SLITRK3: variants seen among roughly 807,000 people sequenced by gnomAD.
The protein encoded by SLITRK3 is SLIT and NTRK-like protein 3.
Under a neutral mutation model 63.6 loss-of-function variants are expected in SLITRK3, and 16 were observed. The observed-to-expected ratio is 0.25, with a 90% CI of 0.17 to 0.38. The LOEUF (loss-of-function observed/expected upper bound fraction) is 0.38. Ranked by LOEUF, SLITRK3 falls within the 10% of genes least tolerant of loss-of-function variation. The pLI is 1.00. For missense variants in SLITRK3, 1,117 were observed against 1,181.4 expected (o/e 0.95, Z 0.80); for synonymous variants, 547 against 451.6 (o/e 1.21, Z -2.68).
At chr3:165,194,288 A>G (rs1718342489) in intron 1 of SLITRK3, among the ~76,000 whole-genome samples, 1 of 152,216 alleles carries the variant, frequency 6.6e-6, no homozygotes, top group Admixed American at 6.5e-5. Context: ...AAAGCAAAGC[A>G]CAGCTTACAT....
At chr3:165,191,503 A>G (rs1352374591) in intron 1 of SLITRK3, among the ~76,000 whole-genome samples, 1 of 152,202 alleles carries the variant, frequency 6.6e-6, no homozygotes, top group Non-Finnish European at 1.5e-5. Context: ...TATGTACACT[A>G]TATGTCCACA....
chr3:165,196,985 T>C (rs1358026126), upstream of SLITRK3: 1 of 152,206 alleles, frequency 6.6e-6, no homozygotes, highest in Non-Finnish European at 1.5e-5. Context: ...GCTCTCTCTC[T>C]CTCGCTTTCG....
In SLITRK3 at chr3:165,189,417, T is replaced by C; in HGVS notation, c.1414A>G (p.Thr472Ala). 1 of 1,613,434 alleles carries C rather than the reference T, an allele frequency of 6.2e-7. No individual in the cohort carries two copies. The highest frequency in any genetic ancestry group is 8.5e-7 in the Non-Finnish European group (1 of 1,180,046). The change falls in exon 2 of 2, where the codon ACA becomes GCA. Residue 472 changes from threonine (T) to alanine (A), a missense_variant. Thr to Ala is a moderately conservative substitution (Grantham distance 58, BLOSUM62 0). Around this residue, in one of 4 missense-constraint regions of SLITRK3, gnomAD observed 158 missense variants for 197.2 expected, o/e 0.80. Coordinates refer to ENST00000475390, the MANE Select transcript of SLITRK3 (RefSeq NM_001318810.2). This position sits in a 1 kb window ranked among gnomAD's most constrained non-coding sequence, Gnocchi z 4.0. ...FLNGNDIEKL[T>A]PGMFRGLQSL... ...TGTAGGCCTCGGAACATGCCTGGTGTCAGCTTCTCTATATCGTTGCCATTA... is the reference window on the plus strand; with the variant it reads ...TGTAGGCCTCGGAACATGCCTGGTGCCAGCTTCTCTATATCGTTGCCATTA...
chr3:165,192,645 A>ATT (rs1718276350), intron 1 of SLITRK3, among the ~76,000 whole-genome samples: 1 of 151,490 alleles, frequency 6.6e-6, no homozygotes, highest in South Asian at 2.1e-4. Flanking sequence ...GCTTTGCTGA[A>ATT]GCTGAAGCAA....
intron 1 of SLITRK3, among the ~76,000 whole-genome samples, chr3:165,191,722 T>C (rs544639334): frequency 1.3e-5 from 2 of 152,296 alleles, no homozygotes; most frequent in Admixed American, 6.5e-5. Context: ...AAACTTAGTT[T>C]GGAATGTGTA....
At position 165,189,068 on chromosome 3, in the gene SLITRK3, T is replaced by A; in HGVS notation, c.1763A>T (p.Asp588Val). 2 of 1,614,138 alleles carry A rather than the reference T, an allele frequency of 1.2e-6. No individual in the cohort carries two copies. Among genetic ancestry groups the A allele is most frequent in the Non-Finnish European group, 1.7e-6 (2 of 1,180,024 alleles). Residue 588 changes from aspartate to valine, a missense_variant, in exon 2 of 2, where the codon GAT becomes GTT. This residue lies in a region of SLITRK3 where 158 missense variants were observed against 197.2 expected (regional missense o/e 0.80). Transcript: ENST00000475390. This position sits in a 1 kb window ranked among gnomAD's most constrained non-coding sequence, Gnocchi z 4.0. ...ETISSVSVVG[D>V]VLCRSPENLT... ...GTTCTCAGGGCTCCTGCAAAGCACA[T>A]CACCAACCACACTGACTGAGCTGAT... is the stretch of plus-strand genomic sequence containing the variant.
At chr3:165,196,873 A>ATCTCTCTCTCTCTCTCTCTCTCTCTCTC (rs780477583), upstream of SLITRK3, 2 of 41,536 alleles carry the variant, frequency 4.8e-5, no homozygotes, top group African/African-American at 4.9e-5. Context: ...GAAGCAAGTG[A>ATCTCTCTCTCTCTCTCTCTCTCTCTCTC]TCTCTCTCTC....
chr3:165,192,580 G>T (rs1388048278), intron 1 of SLITRK3, among the ~76,000 whole-genome samples: 1 of 117,568 alleles, frequency 8.5e-6, no homozygotes, highest in African/African-American at 3.2e-5. Flanking sequence ...AAAAGAAAAA[G>T]AAAAAAAAAA....
upstream of SLITRK3, chr3:165,196,927 C>CTCTCTCTCTCTCTCT (rs56305843): frequency 2.6e-4 from 7 of 27,168 alleles, no homozygotes; most frequent in South Asian, 1.9e-3. Context: ...CTCTCTCTCT[C>CTCTCTCTCTCTCTCT]CTCTCTCTGT....
At chr3:165,192,786 T>A (rs2108210438) in intron 1 of SLITRK3, among the ~76,000 whole-genome samples, 1 of 151,268 alleles carries the variant, frequency 6.6e-6, no homozygotes, top group South Asian at 2.1e-4. Flanking sequence ...CTTGGCACAC[T>A]CAGTAGAGGA....
Position 165,190,180 on chromosome 3 carries a change from T to C in SLITRK3, c.651A>G (p.Leu217=). 6.2e-7 allele frequency: 1 copy of C among 1,614,212 alleles called. No individual in the cohort carries two copies. Among genetic ancestry groups the C allele is most frequent in the Non-Finnish European group, 8.5e-7 (1 of 1,180,032 alleles). ...RLKVLFYRGM[L]DHIGRSLMEL... is the part of the protein sequence containing the mutation. The stretch of plus-strand genomic sequence containing the variant: ...CCATCAGGCTTCTGCCAATGTGATC[T>C]AGCATTCCTCGGTAAAAAAGAACCT... Residue 217 remains leucine (L), a synonymous_variant, in exon 2 of 2, where the codon CTA becomes CTG. Transcript: ENST00000475390.
rs756131997 is a variant in SLITRK3, at chr3:165,188,783, C to T, written c.2048G>A (p.Arg683Gln). ...GLFAYVLRRR[R>Q]KKLPFRSKRQ... Reference sequence around the variant, plus strand: ...CTTGCTTCTGAAGGGCAGCTTCTTTCGACGCCTTCGGAGCACGTAGGCAAA... The same window carrying T: ...CTTGCTTCTGAAGGGCAGCTTCTTTTGACGCCTTCGGAGCACGTAGGCAAA... The change falls in exon 2 of 2, where the codon CGA (arginine) becomes CAA (glutamine). Residue 683 changes from arginine (R) to glutamine (Q), a missense_variant. Arg to Gln is a conservative substitution (Grantham distance 43). Transcript: ENST00000475390. 7 of 1,614,182 alleles carry T rather than the reference C, an allele frequency of 4.3e-6. No homozygotes were observed. Among genetic ancestry groups the T allele is most frequent in the East Asian group, 2.2e-5 (1 of 44,860 alleles).
rs1718141057 is a variant in SLITRK3 at position 165,190,042 on chromosome 3, G to T, written c.789C>A (p.Thr263=). The change falls in exon 2 of 2, where the codon ACC becomes ACA. Residue 263 remains threonine (T), a synonymous_variant. Coordinates refer to ENST00000475390, the MANE Select transcript of SLITRK3 (RefSeq NM_001318810.2). The stretch of plus-strand genomic sequence containing the variant: ...GGTCCTTTCCATGGAAGTGGAAAGG[G>T]GTCTCACAGGTAATGTCTCCCACCA... ...TALVGDITCE[T]PFHFHGKDLR... The T allele has an allele frequency of 6.2e-7, 1 of 1,614,002 alleles. No individual in the cohort carries two copies. Among genetic ancestry groups the T allele is most frequent in the Non-Finnish European group, 8.5e-7 (1 of 1,179,962 alleles).
intron 1 of SLITRK3, among the ~76,000 whole-genome samples, chr3:165,192,263 C>T (rs896271388): frequency 2.0e-5 from 3 of 151,944 alleles, no homozygotes; most frequent in Admixed American, 6.6e-5. Context: ...AAGGAGATAC[C>T]GTGAGAAAGC....
At chr3:165,196,742 C>G (rs1243584499), upstream of SLITRK3, 1 of 152,202 alleles carries the variant, frequency 6.6e-6, no homozygotes, top group South Asian at 2.1e-4. Flanking sequence ...AGCCCATCGC[C>G]GGAGCTCCGC....
In SLITRK3 at chr3:165,187,747, A is replaced by G; in HGVS notation, c.*150T>C. On this transcript the variant is annotated 3_prime_UTR_variant, in exon 2 of 2. Transcript: ENST00000475390. ...GGGAGAGCATACATCTGTATTCTCTAGTTATCATGCGGTTTTAGTTTTGTT... is the reference window on the plus strand; with the variant it reads ...GGGAGAGCATACATCTGTATTCTCTGGTTATCATGCGGTTTTAGTTTTGTT... 1.7e-6 allele frequency: 1 copy of G among 604,362 alleles called. No individual in the cohort carries two copies. Among genetic ancestry groups the G allele is most frequent in the Non-Finnish European group, 2.9e-6 (1 of 348,250 alleles). 37.4% of individuals were successfully genotyped at this position (604,362 alleles called of 1,614,324 possible). A position where few individuals can be genotyped will look rare whatever the true frequency, so the allele number is the denominator to read the frequency against.
In SLITRK3 at chr3:165,186,861, T is replaced by A. The variant is rs1717972290; in HGVS notation, c.*1036A>T. On this transcript the variant is annotated 3_prime_UTR_variant, in exon 2 of 2. Coordinates refer to ENST00000475390, the MANE Select transcript of SLITRK3 (RefSeq NM_001318810.2). The stretch of plus-strand genomic sequence containing the variant: ...CACATTTCTTTTGAATCTTTGTGTG[T>A]GAGAGAGAAAACATTAAAAGTGCTT... 6.6e-6 allele frequency: 1 copy of A among 152,506 alleles called. No homozygotes were observed. Among genetic ancestry groups the A allele is most frequent in the African/African-American group, 2.4e-5 (1 of 41,424 alleles). The allele number at this position is 152,506 out of a possible 1,614,324, so 9.4% of individuals were successfully genotyped here. A position where few individuals can be genotyped will look rare whatever the true frequency, so the allele number is the denominator to read the frequency against.
chr3:165,194,789 C>A (rs919051483), intron 1 of SLITRK3, among the ~76,000 whole-genome samples: 12 of 152,204 alleles, frequency 7.9e-5, no homozygotes, highest in African/African-American at 2.9e-4. Context: ...TCTGTTATTT[C>A]TTGAACTAAA....
At chr3:165,196,919 CTCTCTCTCCTCTCTCTG>C, upstream of SLITRK3, 2 of 146,814 alleles carry the variant, frequency 1.4e-5, no homozygotes, top group South Asian at 2.2e-4. Flanking sequence ...CTCTCTCTCT[CTCTCTCTCCTCTCTCTG>C]TCTCTCTCTC....
Sources: allele counts gnomAD v4.1 joint callset (sites outside exome capture counted in the v4.1 genomes callset), GRCh38; gene constraint gnomAD v4.1.1; regional missense constraint gnomAD v4.1.1; non-coding constraint Gnocchi (gnomAD v3.1); transcripts MANE v1.5; gene names NCBI Gene and HGNC (gene_info 2026-07-23, HGNC 2026-07-21).